C12orf56: variants seen among roughly 807,000 people sequenced by gnomAD.
C12orf56 encodes uncharacterized protein C12orf56.
In C12orf56, 71 loss-of-function variants were observed where a neutral mutation model predicts 69.9. The ratio of observed to expected loss-of-function variants is 1.02; its 90% CI spans 0.84 to 1.24. C12orf56 has a LOEUF of 1.24. Ranked by LOEUF, C12orf56 falls within the 50% of genes most tolerant of loss-of-function variation. The pLI is 0.00. For synonymous variants in C12orf56, 276 were observed against 274.1 expected, an observed-to-expected ratio of 1.01 and a Z score of -0.07; for missense variants, 732 against 738.5, an observed-to-expected ratio of 0.99 and a Z score of 0.10.
chr12:64,336,592 G>T (rs2038999909), intron 2 of C12orf56, among the ~76,000 whole-genome samples: 1 of 152,150 alleles, frequency 6.6e-6, no homozygotes, highest in Non-Finnish European at 1.5e-5. Context: ...TGAGCAACCA[G>T]GGATTTGATA....
Position 64,330,985 on chromosome 12 carries a change from T to C in C12orf56, c.463A>G (p.Arg155Gly). 6.4e-7 allele frequency: 1 copy of C among 1,557,160 alleles called. No homozygotes were observed. The highest frequency in any genetic ancestry group is 8.7e-7 in the Non-Finnish European group (1 of 1,149,510). The stretch of plus-strand genomic sequence containing the variant: ...CTGAGAGGAGATTCTTTCAGACTTC[T>C]GGACTCTTTGCTTCTCCAAAAGGCA... Reference protein sequence around the residue: ...GLAFWRSKESRSLKESPLRDQ... With the variant: ...GLAFWRSKESGSLKESPLRDQ... The change falls in exon 3 of 13, where the codon AGA becomes GGA. Residue 155 changes from arginine to glycine, a missense_variant. Coordinates refer to ENST00000543942, the MANE Select transcript of C12orf56 (RefSeq NM_001170633.2).
rs1565748980 is a variant in C12orf56 at position 64,308,943 on chromosome 12, G to GA, written c.968+3735dup. On this transcript the variant is annotated intron_variant, in intron 5 of 12. Coordinates refer to ENST00000543942, the MANE Select transcript of C12orf56 (RefSeq NM_001170633.2). ...AAGAAAGAAAGAAAGAAAGAAAGAA[G>GA]AAAGAAAGAAAGAAAGAAAGAAAGA... Among the ~76,000 whole-genome samples, 318 of 33,486 alleles carry GA rather than the reference G, an allele frequency of 9.5e-3. 5 individuals are homozygous for GA. The highest frequency in any genetic ancestry group is 0.027 in the African/African-American group (303 of 11,312). 22.0% of individuals were successfully genotyped at this position (33,486 alleles called of 152,430 possible).
In C12orf56 at chr12:64,379,372, C is replaced by T. The variant is rs367570588; in HGVS notation, c.252+10942G>A. ...GCATCTCTGCTCACTGCAAGCTCCG[C>T]CTCTCGGGTTCACGCCATTCTCCTG... On this transcript the variant is annotated intron_variant, in intron 1 of 12. Coordinates refer to ENST00000543942, the MANE Select transcript of C12orf56 (RefSeq NM_001170633.2). Among the ~76,000 whole-genome samples the T allele has an allele frequency of 1.1e-4, 17 of 151,900 alleles. No homozygotes were observed. In the East Asian group the frequency reaches 3.3e-3, roughly 30 times the overall value.
chr12:64,334,972 G>A (rs2038974473), intron 2 of C12orf56, among the ~76,000 whole-genome samples: 1 of 152,118 alleles, frequency 6.6e-6, no homozygotes, highest in Admixed American at 6.6e-5. Context: ...CGTTTGAAAA[G>A]CCCAATGGCC....
chr12:64,379,044 C>T (rs2039677487), intron 1 of C12orf56, among the ~76,000 whole-genome samples: 1 of 135,392 alleles, frequency 7.4e-6, no homozygotes, highest in Non-Finnish European at 1.5e-5. Flanking sequence ...GGAATGAAAC[C>T]CTGTCTCAAA....
At chr12:64,304,422 A>AT (rs1339985873) in intron 5 of C12orf56, among the ~76,000 whole-genome samples, 12 of 152,164 alleles carry the variant, frequency 7.9e-5, no homozygotes, top group Admixed American at 7.9e-4. Context: ...ATCATCTCCC[A>AT]TTACTGAACC....
chr12:64,377,221 C>T (rs1592502241), intron 1 of C12orf56, among the ~76,000 whole-genome samples: 3 of 137,136 alleles, frequency 2.2e-5, no homozygotes, highest in South Asian at 2.3e-4. Context: ...TGAGGAGTCT[C>T]GCTATGTTGC....
intron 6 of C12orf56, among the ~76,000 whole-genome samples, chr12:64,303,335 T>C (rs2038471216): frequency 6.7e-6 from 1 of 148,898 alleles, no homozygotes; most frequent in South Asian, 2.2e-4. Flanking sequence ...TGTCTATATA[T>C]CTTGTATGCC....
chr12:64,299,768 T>C (rs555666889), intron 6 of C12orf56, among the ~76,000 whole-genome samples: 16 of 152,296 alleles, frequency 1.1e-4, no homozygotes, highest in Non-Finnish European at 1.5e-4. Flanking sequence ...ATATTTCTAA[T>C]ACCTATCACC....
At chr12:64,313,314 A>G (rs1471620287) in intron 4 of C12orf56, among the ~76,000 whole-genome samples, 4 of 135,060 alleles carry the variant, frequency 3.0e-5, no homozygotes. Flanking sequence ...ATTTATCAAA[A>G]TCACACAGTT....
At position 64,388,634 on chromosome 12, in the gene C12orf56, C is replaced by T. The variant is rs567039218; in HGVS notation, c.252+1680G>A. On this transcript the variant is annotated intron_variant, in intron 1 of 12. Transcript: ENST00000543942. Reference sequence around the variant, plus strand: ...GCTGTGGCTCTTGTCTGTAGTGGATCACTTGAGCCCAGGAGTTTGAGACTA... The same window carrying T: ...GCTGTGGCTCTTGTCTGTAGTGGATTACTTGAGCCCAGGAGTTTGAGACTA... Among the ~76,000 whole-genome samples the T allele has an allele frequency of 2.0e-3, 299 of 152,292 alleles. 2 individuals carry two copies. The highest frequency in any genetic ancestry group is 0.01 in the South Asian group (49 of 4,824).
intron 5 of C12orf56, 97 bp downstream of exon 5, chr12:64,312,582 C>T: frequency 1.1e-6 from 1 of 915,818 alleles, no homozygotes; most frequent in Non-Finnish European, 1.7e-6. Context: ...GCACTCCAGC[C>T]TGGGAAACAG....
At chr12:64,342,620 T>G (rs1042434900) in intron 2 of C12orf56, among the ~76,000 whole-genome samples, 1 of 152,186 alleles carries the variant, frequency 6.6e-6, no homozygotes, top group Non-Finnish European at 1.5e-5. Flanking sequence ...TTCCATTTGA[T>G]GATGGAATGC....
chr12:64,284,585 A>C (rs1037841599), intron 8 of C12orf56, 79 bp downstream of exon 8: 1 of 1,006,524 alleles, frequency 9.9e-7, no homozygotes, highest in Admixed American at 2.9e-5. Flanking sequence ...TTGGAGAATT[A>C]TGTGCTTTGG....
Position 64,271,988 on chromosome 12 carries a change from A to G in C12orf56, c.1585-1274T>C, listed in dbSNP as rs545915680. Among the ~76,000 whole-genome samples, 11 of 152,238 alleles carry G rather than the reference A, an allele frequency of 7.2e-5. No homozygotes were observed. In the East Asian group the frequency reaches 1.7e-3, roughly 24 times the overall value. On this transcript the variant is annotated intron_variant, in intron 11 of 12. Transcript: ENST00000543942. ...TCTTTTGCCAACCCTTCATCCTTACATGCTTCATGGTCACAGACTAGCCTC... is the reference window on the plus strand; with the variant it reads ...TCTTTTGCCAACCCTTCATCCTTACGTGCTTCATGGTCACAGACTAGCCTC...
At chr12:64,382,476 T>C (rs1353468333) in intron 1 of C12orf56, among the ~76,000 whole-genome samples, 1 of 152,248 alleles carries the variant, frequency 6.6e-6, no homozygotes, top group Admixed American at 6.5e-5. Flanking sequence ...TAATAATAAC[T>C]AATGCATATA....
rs571432452 is a variant in C12orf56, at chr12:64,309,311, G to A, written c.968+3368C>T. On this transcript the variant is annotated intron_variant, in intron 5 of 12. Coordinates refer to ENST00000543942, the MANE Select transcript of C12orf56 (RefSeq NM_001170633.2). ...TCCCTTCACCACTCTCCCCAACCCCGGAGACCTCTATTCTATTTTCTGTCT... is the reference window on the plus strand; with the variant it reads ...TCCCTTCACCACTCTCCCCAACCCCAGAGACCTCTATTCTATTTTCTGTCT... Among the ~76,000 whole-genome samples, 8 of 152,050 alleles carry A rather than the reference G, an allele frequency of 5.3e-5. No individual in the cohort carries two copies. The East Asian group carries it at 7.7e-4, about 15-fold the overall frequency.
intron 1 of C12orf56, among the ~76,000 whole-genome samples, chr12:64,382,257 T>C (rs2135986093): frequency 1.3e-5 from 1 of 75,286 alleles, no homozygotes; most frequent in African/African-American, 4.8e-5. Flanking sequence ...ACGAGACTCT[T>C]GTCTCAAAAA....
In C12orf56 at chr12:64,318,834, C is replaced by T; in HGVS notation, c.635G>A (p.Gly212Asp). The T allele has an allele frequency of 6.5e-7, 1 of 1,537,126 alleles. No individual in the cohort carries two copies. Among genetic ancestry groups the T allele is most frequent in the South Asian group, 1.2e-5 (1 of 84,054 alleles). ...RRSSQSAPTT[G>D]KAVSEPSCTT... ...GCAAGATGGCTCGCTGACAGCCTTG[C>T]CAGTTGTTGGTGCAGACTGAGAGCT... is the stretch of plus-strand genomic sequence containing the variant. The change falls in exon 4 of 13, where the codon GGC (glycine) becomes GAC (aspartate). Residue 212 changes from glycine (G) to aspartate (D), a missense_variant. Gly to Asp is a moderately conservative substitution (Grantham distance 94). Coordinates refer to ENST00000543942, the MANE Select transcript of C12orf56 (RefSeq NM_001170633.2).
Sources: allele counts gnomAD v4.1 joint callset (sites outside exome capture counted in the v4.1 genomes callset), GRCh38; gene constraint gnomAD v4.1.1; transcripts MANE v1.5; gene names NCBI Gene and HGNC (gene_info 2026-07-23, HGNC 2026-07-21).